BTNL9: variants seen among roughly 807,000 people sequenced by gnomAD.
The protein encoded by BTNL9 is butyrophilin like 9.
Under a neutral mutation model 45.8 loss-of-function variants are expected in BTNL9, and 45 were observed. That is an observed-to-expected ratio of 0.98 (90% confidence interval 0.77 to 1.26). The LOEUF is 1.26. Ranked by LOEUF, BTNL9 falls within the 50% of genes most tolerant of loss-of-function variation. BTNL9 has a pLI of 0.00. For synonymous variants in BTNL9, 346 were observed against 330.8 expected (o/e 1.05, Z -0.50); for missense variants, 784 against 729.7 (o/e 1.07, Z -0.86).
Position 181,048,180 on chromosome 5 carries a change from C to T in BTNL9, c.363C>T (p.His121=), listed in dbSNP as rs1561978076. 1 of 1,613,484 alleles carries T rather than the reference C, an allele frequency of 6.2e-7. No individual in the cohort carries two copies. Among genetic ancestry groups the T allele is most frequent in the Non-Finnish European group, 8.5e-7 (1 of 1,180,024 alleles). The change falls in exon 3 of 11, where the codon CAC becomes CAT. Residue 121 remains histidine, a synonymous_variant. Transcript: ENST00000327705. ...IAYGSVVLQL[H]SIIPSDKGTY... Reference sequence around the variant, plus strand: ...ATGGCAGCGTGGTCCTGCAGCTTCACAGCATCATCCCCTCTGACAAGGGCA... The same window carrying T: ...ATGGCAGCGTGGTCCTGCAGCTTCATAGCATCATCCCCTCTGACAAGGGCA...
At chr5:181,045,173 T>C (rs1487335436) in intron 1 of BTNL9, among the ~76,000 whole-genome samples, 1 of 152,224 alleles carries the variant, frequency 6.6e-6, no homozygotes, top group African/African-American at 2.4e-5. Flanking sequence ...GCTCTATTCC[T>C]GGCTCTAAAC....
chr5:181,040,722 A>G (rs1032062895), intron 1 of BTNL9, among the ~76,000 whole-genome samples: 3 of 152,174 alleles, frequency 2.0e-5, no homozygotes, highest in Admixed American at 2.0e-4. Context: ...CATCTTCCTT[A>G]GAGACTAAGA....
intron 1 of BTNL9, among the ~76,000 whole-genome samples, chr5:181,041,182 G>T (rs1009742798): frequency 6.6e-6 from 1 of 152,216 alleles, no homozygotes; most frequent in South Asian, 2.1e-4. Context: ...CCAAGGTTTT[G>T]CTCTGCCCCC....
At position 181,055,561 on chromosome 5, in the gene BTNL9, A is replaced by G; in HGVS notation, c.928+108A>G. 7.9e-7 allele frequency: 1 copy of G among 1,267,780 alleles called. No individual in the cohort carries two copies. The highest frequency in any genetic ancestry group is 1.1e-6 in the Non-Finnish European group (1 of 871,614). 78.5% of individuals were successfully genotyped at this position (1,267,780 alleles called of 1,614,324 possible). ...GAGGCGGGTGGATCACGAGGTCAGG[A>G]GATCGAGACCAGCCTGGCTAACACA... On this transcript the variant is annotated intron_variant, in intron 8 of 10. Transcript: ENST00000327705. The surrounding 1 kb of genome is among the most constrained non-coding windows in gnomAD (Gnocchi z 4.4).
At position 181,053,833 on chromosome 5, in the gene BTNL9, T is replaced by C. The variant is rs551859616; in HGVS notation, c.886+332T>C. 1.3e-6 allele frequency: 2 copies of C among 1,507,066 alleles called. No homozygotes were observed. Among genetic ancestry groups the C allele is most frequent in the Admixed American group, 4.0e-5 (2 of 50,008 alleles). 93.4% of individuals were successfully genotyped at this position (1,507,066 alleles called of 1,614,324 possible). ...TGCTGCCAGCGCCACCTCGTCCAGG[T>C]TTTCATAGCGCACAGGGAGTCGGGC... is the stretch of plus-strand genomic sequence containing the variant. On this transcript the variant is annotated intron_variant, in intron 6 of 10. Transcript: ENST00000327705. The surrounding 1 kb of genome is among the most constrained non-coding windows in gnomAD (Gnocchi z 6.5).
chr5:181,045,589 C>G lies in BTNL9; in HGVS notation c.100C>G (p.Pro34Ala). ...CCTCCTCCTCCTTCAGCCTGGGGAG[C>G]CGAGCTCAGGTATTGTGTCTGCAGC... Reference protein sequence around the residue: ...MHLLLLQPGEPSSEVKVLGPE... With the variant: ...MHLLLLQPGEASSEVKVLGPE... Residue 34 changes from proline (P) to alanine (A), a missense_variant, in exon 2 of 11, where the codon CCG (proline) becomes GCG (alanine). Pro to Ala is a conservative substitution (Grantham distance 27). Transcript: ENST00000327705. 6.2e-7 allele frequency: 1 copy of G among 1,611,080 alleles called. No individual in the cohort carries two copies. The highest frequency in any genetic ancestry group is 1.7e-4 in the Middle Eastern group (1 of 6,056).
At chr5:181,040,584 C>T (rs1760726294) in intron 1 of BTNL9, among the ~76,000 whole-genome samples, 152 bp downstream of exon 1, 1 of 152,170 alleles carries the variant, frequency 6.6e-6, no homozygotes, top group East Asian at 1.9e-4. Flanking sequence ...TCGAGTGTGG[C>T]CAAGAGGAGA....
intron 3 of BTNL9, 126 bp downstream of exon 3, chr5:181,048,397 G>C (rs763046409): frequency 3.6e-5 from 31 of 853,028 alleles, no homozygotes; most frequent in East Asian, 8.0e-5. Flanking sequence ...CTGATGGATA[G>C]GTCCATTCTC....
At chr5:181,049,721 TG>T (rs1310236607) in intron 3 of BTNL9, among the ~76,000 whole-genome samples, 1 of 152,228 alleles carries the variant, frequency 6.6e-6, no homozygotes, top group African/African-American at 2.4e-5. Flanking sequence ...ACTAGAGCTC[TG>T]GGGGAATTCA....
chr5:181,059,322 G>A lies in BTNL9; in HGVS notation c.1068G>A (p.Pro356=), dbSNP rs200345052. The A allele has an allele frequency of 1.7e-4, 270 of 1,552,456 alleles. No individual in the cohort carries two copies. The African/African-American group carries it at 3.2e-3, about 19-fold the overall frequency. Residue 356 remains proline (P), a synonymous_variant, in exon 11 of 11, where the codon CCG becomes CCA. Coordinates refer to ENST00000327705, the MANE Select transcript of BTNL9 (RefSeq NM_152547.5). ...DGKSVSSRGA[P]PGPAPGHPQR... is the part of the protein sequence containing the mutation. ...AGAGCGTGTCTTCCCGCGGGGCGCC[G>A]CCAGGCCCGGCGCCTGGCCACCCGC...
intron 9 of BTNL9, chr5:181,057,008 CTGTGTGTGTG>C (rs55829278): frequency 1.3e-3 from 203 of 161,642 alleles, no homozygotes; most frequent in Middle Eastern, 6.1e-3. Flanking sequence ...TATTATATAT[CTGTGTGTGTG>C]TGTGTGTGTG....
chr5:181,050,205 G>C lies in BTNL9; in HGVS notation c.572G>C (p.Gly191Ala). The C allele has an allele frequency of 6.2e-7, 1 of 1,614,110 alleles. No individual in the cohort carries two copies. Among genetic ancestry groups the C allele is most frequent in the South Asian group, 1.1e-5 (1 of 91,086 alleles). ...AAGGTTCAGTGGAGAGACCACCAGG[G>C]ACAGTGCCTGCCTCCAGAGTTTGAA... is the stretch of plus-strand genomic sequence containing the variant. ...KPKVQWRDHQ[G>A]QCLPPEFEAI... Residue 191 changes from glycine to alanine, a missense_variant, in exon 4 of 11, where the codon GGA becomes GCA. Gly to Ala is a moderately conservative substitution (Grantham distance 60, BLOSUM62 0). Transcript: ENST00000327705. The surrounding 1 kb of genome is among the most constrained non-coding windows in gnomAD (Gnocchi z 4.9).
rs749254476 is a variant in BTNL9 at position 181,059,219 on chromosome 5, C to A, written c.983-18C>A. On this transcript the variant is annotated intron_variant, in intron 10 of 10. Transcript: ENST00000327705. ...CCAGACCGTCCCGGGCGGGCACTAA[C>A]GCTGTGGCTCTGCGCAGTGGATGTG... 2 of 1,519,392 alleles carry A rather than the reference C, an allele frequency of 1.3e-6. No individual in the cohort carries two copies. The highest frequency in any genetic ancestry group is 1.4e-5 in the African/African-American group (1 of 70,846). 94.1% of individuals were successfully genotyped at this position (1,519,392 alleles called of 1,614,324 possible).
chr5:181,051,631 G>T (rs1427175875), intron 4 of BTNL9, among the ~76,000 whole-genome samples: 1 of 152,120 alleles, frequency 6.6e-6, no homozygotes, highest in Non-Finnish European at 1.5e-5. Context: ...GGATCTCCAC[G>T]GCAGTGCTCT....
In BTNL9 at chr5:181,050,586, G is replaced by A. The variant is rs577224477; in HGVS notation, c.736+217G>A. 1.5e-4 allele frequency among the ~76,000 whole-genome samples: 23 copies of A among 152,266 alleles called. No individual in the cohort carries two copies. The South Asian group carries it at 3.9e-3, about 26-fold the overall frequency. On this transcript the variant is annotated intron_variant, in intron 4 of 10. Transcript: ENST00000327705. This position sits in a 1 kb window ranked among gnomAD's most constrained non-coding sequence, Gnocchi z 4.9. ...CAGTGAGAGAGGCCCCAGAGAGCCC[G>A]CCTTTCTGTGCCTAAGGCCATACAC...
rs1469810491 is a variant in BTNL9, at chr5:181,061,115, G to T, written c.*1253G>T. 6.6e-6 allele frequency: 1 copy of T among 152,238 alleles called. No individual in the cohort carries two copies. Among genetic ancestry groups the T allele is most frequent in the Non-Finnish European group, 1.5e-5 (1 of 68,038 alleles). The allele number at this position is 152,238 out of a possible 1,614,324, so 9.4% of individuals were successfully genotyped here. On this transcript the variant is annotated 3_prime_UTR_variant, in exon 11 of 11. Coordinates refer to ENST00000327705, the MANE Select transcript of BTNL9 (RefSeq NM_152547.5). ...AGTGAGACATTTGTACTGTGGCTAT[G>T]TAGGAGAACATTCTTGTTCTTAGCA...
intron 2 of BTNL9, 26 bp from the exon 3 acceptor site, chr5:181,047,901 T>C (rs1561977298): frequency 3.1e-6 from 5 of 1,591,802 alleles, no homozygotes; most frequent in Non-Finnish European, 4.3e-6. Flanking sequence ...AGGGTTGCTT[T>C]TGCCTGTTCT....
intron 1 of BTNL9, 145 bp from the exon 2 acceptor site, chr5:181,045,322 G>A (rs1761038373): frequency 1.7e-6 from 1 of 575,930 alleles, no homozygotes; most frequent in East Asian, 3.0e-5. Flanking sequence ...TCTGGCCATG[G>A]AAGAAGCCAA....
rs1761269100 is a variant in BTNL9 at position 181,047,927 on chromosome 5, A to G, written c.110A>G (p.Glu37Gly). 1.2e-6 allele frequency: 2 copies of G among 1,611,364 alleles called. No individual in the cohort carries two copies. The highest frequency in any genetic ancestry group is 1.3e-5 in the African/African-American group (1 of 74,868). Residue 37 changes from glutamate to glycine, a missense_variant and splice_region_variant, in exon 3 of 11, where the codon GAG (glutamate) becomes GGG (glycine). Physicochemically the swap from Glu to Gly is moderately conservative, Grantham distance 98. Transcript: ENST00000327705. ...LLLQPGEPSS[E>G]VKVLGPEYPI... Reference sequence around the variant, plus strand: ...TGCCTGTTCTGACTTGTCATCCTAGAGGTCAAGGTGCTAGGCCCTGAGTAT... The same window carrying G: ...TGCCTGTTCTGACTTGTCATCCTAGGGGTCAAGGTGCTAGGCCCTGAGTAT...
Sources: gnomAD v4.1 joint callset for allele counts (sites outside exome capture counted in the v4.1 genomes callset) on GRCh38, gnomAD v4.1.1 for gene constraint, Gnocchi (gnomAD v3.1) non-coding constraint, MANE v1.5 for transcripts, NCBI Gene and HGNC (gene_info 2026-07-23, HGNC 2026-07-21) for gene names.